PNOC: variants seen among roughly 807,000 people sequenced by gnomAD.
PNOC encodes nociceptin.
A neutral mutation model predicts 15.6 loss-of-function variants in PNOC; 10 were observed. The ratio of observed to expected loss-of-function variants is 0.64; its 90% CI spans 0.40 to 1.09. PNOC has a LOEUF of 1.09. Ranked by LOEUF, PNOC falls within the 50% of genes least tolerant of loss-of-function variation. PNOC has a pLI of 0.01. For synonymous variants in PNOC, 98 were observed against 88.5 expected (o/e 1.11, Z -0.60); for missense variants, 220 against 223.9 (o/e 0.98, Z 0.11).
chr8:28,332,180 T>A (rs576311945), intron 2 of PNOC, among the ~76,000 whole-genome samples: 3 of 152,366 alleles, frequency 2.0e-5, no homozygotes, highest in African/African-American at 7.2e-5. Flanking sequence ...AGGATGTGGC[T>A]GCCTGCTTGT....
rs73668435 is a variant in PNOC at position 28,319,835 on chromosome 8, A to G, written c.-24+2519A>G. ...TCAGAAAACGGGAGCCGTCCTGACA[A>G]TGAGTGGCTGGCAGTGGCTTGAATT... On this transcript the variant is annotated intron_variant, in intron 1 of 3. Transcript: ENST00000301908. Among the ~76,000 whole-genome samples the G allele has an allele frequency of 6.7e-3, 1,014 of 152,290 alleles. 15 individuals carry two copies. The highest frequency in any genetic ancestry group is 0.023 in the African/African-American group (965 of 41,566).
intron 1 of PNOC, among the ~76,000 whole-genome samples, chr8:28,322,580 AAT>A (rs1801168210): frequency 6.6e-6 from 1 of 152,138 alleles, no homozygotes; most frequent in Admixed American, 6.5e-5. Context: ...TCAACTATAA[AAT>A]GGGGATGATA....
chr8:28,322,568 G>T (rs1206240810), intron 1 of PNOC, among the ~76,000 whole-genome samples: 1 of 152,124 alleles, frequency 6.6e-6, no homozygotes, highest in Non-Finnish European at 1.5e-5. Context: ...GCCTCAATCT[G>T]CTCAACTATA....
chr8:28,335,356 C>A (rs1801394613), intron 2 of PNOC, among the ~76,000 whole-genome samples: 1 of 152,250 alleles, frequency 6.6e-6, no homozygotes, highest in Non-Finnish European at 1.5e-5. Context: ...GTTTTGGACA[C>A]ATTACTCAAC....
chr8:28,328,285 C>T lies in PNOC; in HGVS notation c.-23-850C>T, dbSNP rs563850193. Among the ~76,000 whole-genome samples the T allele has an allele frequency of 1.6e-3, 245 of 151,936 alleles. 3 individuals are homozygous for T. Among genetic ancestry groups the T allele is most frequent in the African/African-American group, 5.7e-3 (236 of 41,386 alleles). On this transcript the variant is annotated intron_variant, in intron 1 of 3. Transcript: ENST00000301908. ...AGACAGGGTTTTGCCATGATGTTGG[C>T]CAGGCTGGTCTTGAACTCCTGACCT...
chr8:28,322,253 A>C lies in PNOC; in HGVS notation c.-24+4937A>C, dbSNP rs184571339. Reference sequence around the variant, plus strand: ...AAAATACAAAAAAAATTAGCCAGGCATGGTGGCGGGCACCTGTAATCCCAG... The same window carrying C: ...AAAATACAAAAAAAATTAGCCAGGCCTGGTGGCGGGCACCTGTAATCCCAG... On this transcript the variant is annotated intron_variant, in intron 1 of 3. Transcript: ENST00000301908. Among the ~76,000 whole-genome samples, 473 of 152,020 alleles carry C rather than the reference A, an allele frequency of 3.1e-3. 2 individuals are homozygous for C. Among genetic ancestry groups the C allele is most frequent in the African/African-American group, 0.011 (448 of 41,472 alleles).
chr8:28,335,898 G>A (rs924359715), intron 2 of PNOC, among the ~76,000 whole-genome samples: 2 of 151,070 alleles, frequency 1.3e-5, no homozygotes, highest in African/African-American at 4.8e-5. Context: ...TTTAGACCAG[G>A]TGTGGGCTCT....
intron 2 of PNOC, among the ~76,000 whole-genome samples, chr8:28,331,072 C>T (rs899316322): frequency 3.3e-5 from 5 of 152,302 alleles, no homozygotes; most frequent in African/African-American, 1.2e-4. Flanking sequence ...CTCCAGATAA[C>T]AGAGGAGGAG....
intron 2 of PNOC, among the ~76,000 whole-genome samples, chr8:28,330,400 T>TATTTTATTTTTTTTTTTATTTTTA (rs1431540071): frequency 9.8e-6 from 1 of 102,228 alleles, no homozygotes; most frequent in Non-Finnish European, 2.0e-5. Context: ...TATTTTATTT[T>TATTTTATTTTTTTTTTTATTTTTA]TTTTTTTTTT....
intron 2 of PNOC, among the ~76,000 whole-genome samples, chr8:28,334,079 C>CAG (rs1801373133): frequency 7.8e-6 from 1 of 128,308 alleles, no homozygotes; most frequent in East Asian, 2.0e-4. Flanking sequence ...CACACACACA[C>CAG]ACACACACAC....
At chr8:28,342,765 G>A (rs1234208588) in intron 3 of PNOC, among the ~76,000 whole-genome samples, 177 bp from the exon 4 acceptor site, 1 of 152,204 alleles carries the variant, frequency 6.6e-6, no homozygotes, top group Non-Finnish European at 1.5e-5. Context: ...TAGACCCGGG[G>A]CTGGGGGAGC....
chr8:28,338,763 T>A lies in PNOC; in HGVS notation c.127-277T>A, dbSNP rs372392386. ...GCGCATTTATCCTGTGTTAACTTCC[T>A]ATGTTAACGTGCTGTGACACCAGAG... On this transcript the variant is annotated intron_variant, in intron 2 of 3. Transcript: ENST00000301908. 33 of 1,162,944 alleles carry A rather than the reference T, an allele frequency of 2.8e-5. No individual in the cohort carries two copies. In the East Asian group the frequency reaches 7.5e-4, roughly 27 times the overall value. The allele number at this position is 1,162,944 out of a possible 1,614,324, so 72.0% of individuals were successfully genotyped here.
intron 2 of PNOC, among the ~76,000 whole-genome samples, chr8:28,337,469 T>C (rs183398573): frequency 6.6e-6 from 1 of 152,230 alleles, no homozygotes; most frequent in African/African-American, 2.4e-5. Flanking sequence ...CCGTCTAATT[T>C]TTGTATTTTT....
At chr8:28,335,272 G>A (rs1801393427) in intron 2 of PNOC, among the ~76,000 whole-genome samples, 1 of 152,190 alleles carries the variant, frequency 6.6e-6, no homozygotes, top group South Asian at 2.1e-4. Context: ...AGAGGTAGCT[G>A]AGTAGATGTC....
intron 3 of PNOC, chr8:28,340,112 G>A (rs997688116): frequency 6.6e-6 from 1 of 152,204 alleles, no homozygotes; most frequent in Non-Finnish European, 1.5e-5. Context: ...TGCCAGAGAG[G>A]GACTGATTCC....
At position 28,329,225 on chromosome 8, in the gene PNOC, G is replaced by A. The variant is rs1292733790; in HGVS notation, c.68G>A (p.Arg23Lys). ...TCCAGTGTGTTCAGCAGTTGTCAGA[G>A]GGACTGTCTCACATGCCAGGAGAAG... is the stretch of plus-strand genomic sequence containing the variant. Reference protein sequence around the residue: ...LFSSVFSSCQRDCLTCQEKLH... With the variant: ...LFSSVFSSCQKDCLTCQEKLH... Residue 23 changes from arginine (R) to lysine (K), a missense_variant, in exon 2 of 4, where the codon AGG becomes AAG. Arg to Lys is a conservative substitution (Grantham distance 26). Coordinates refer to ENST00000301908, the MANE Select transcript of PNOC (RefSeq NM_006228.5). 1 of 1,613,926 alleles carries A rather than the reference G, an allele frequency of 6.2e-7. No homozygotes were observed. The highest frequency in any genetic ancestry group is 1.3e-5 in the African/African-American group (1 of 74,914).
At chr8:28,320,431 C>CA (rs1294004735) in intron 1 of PNOC, among the ~76,000 whole-genome samples, 1 of 152,152 alleles carries the variant, frequency 6.6e-6, no homozygotes, top group Non-Finnish European at 1.5e-5. Context: ...CAATGGGCTT[C>CA]AGGAGACTGA....
intron 1 of PNOC, among the ~76,000 whole-genome samples, chr8:28,325,350 C>G (rs1801207719): frequency 6.6e-6 from 1 of 151,920 alleles, no homozygotes; most frequent in African/African-American, 2.4e-5. Flanking sequence ...ACAGCAAGTG[C>G]CAAGATAAAA....
intron 1 of PNOC, among the ~76,000 whole-genome samples, chr8:28,328,814 A>C (rs1002934105): frequency 3.3e-5 from 5 of 152,056 alleles, no homozygotes; most frequent in African/African-American, 1.2e-4. Context: ...CTGCCACCAC[A>C]CAGCTGCTCC....
Sources: gnomAD v4.1 joint callset for allele counts (sites outside exome capture counted in the v4.1 genomes callset) on GRCh38, gnomAD v4.1.1 for gene constraint, MANE v1.5 for transcripts, NCBI Gene and HGNC (gene_info 2026-07-23, HGNC 2026-07-21) for gene names.